The following SULT1B1 variants were observed in gnomAD, a reference collection of about 807,000 sequenced individuals.
The protein encoded by SULT1B1 is sulfotransferase 1B1.
In SULT1B1, 28 loss-of-function variants were observed where a neutral mutation model predicts 34.6. The ratio of observed to expected loss-of-function variants is 0.81; its 90% CI spans 0.60 to 1.11. The LOEUF is 1.11. Ranked by LOEUF, SULT1B1 falls within the 50% of genes least tolerant of loss-of-function variation. SULT1B1 has a pLI of 0.00. For synonymous variants in SULT1B1, 147 were observed against 110.2 expected, an observed-to-expected ratio of 1.33 and a Z score of -2.09; for missense variants, 374 against 352.2, an observed-to-expected ratio of 1.06 and a Z score of -0.50.
At position 69,755,160 on chromosome 4, in the gene SULT1B1, T is replaced by C. The variant is rs150530193; in HGVS notation, c.58A>G (p.Met20Val). ...CAGTTGCTTGCAAAAGCACAGGTCA[T>C]GGGATAACCATGGACCAACTTCAGA... ...KDLKLVHGYP[M>V]TCAFASNWEK... The change falls in exon 2 of 8, where the codon ATG becomes GTG. Residue 20 changes from methionine to valine, a missense_variant. Coordinates refer to ENST00000310613, the MANE Select transcript of SULT1B1 (RefSeq NM_014465.4). 42 of 1,613,902 alleles carry C rather than the reference T, an allele frequency of 2.6e-5. No individual in the cohort carries two copies. In the African/African-American group the frequency reaches 4.5e-4, roughly 17 times the overall value.
chr4:69,756,813 A>G (rs530864289), intron 1 of SULT1B1, among the ~76,000 whole-genome samples: 27 of 152,276 alleles, frequency 1.8e-4, no homozygotes, highest in African/African-American at 6.3e-4. Flanking sequence ...GACAGGAAGA[A>G]TTCCTCTTTA....
intron 4 of SULT1B1, among the ~76,000 whole-genome samples, chr4:69,740,105 C>T (rs1413528627): frequency 6.6e-6 from 1 of 152,228 alleles, no homozygotes; most frequent in African/African-American, 2.4e-5. Context: ...TCTTCTGAGT[C>T]CTTCAAACTG....
chr4:69,754,832 C>G, intron 2 of SULT1B1, 34 bp from the exon 3 acceptor site: 1 of 1,603,638 alleles, frequency 6.2e-7, no homozygotes, highest in Non-Finnish European at 8.5e-7. Flanking sequence ...AAAATAATTA[C>G]CCAAATTGCA....
chr4:69,728,812 A>G (rs528243518), intron 7 of SULT1B1, among the ~76,000 whole-genome samples: 3 of 152,200 alleles, frequency 2.0e-5, no homozygotes, highest in Non-Finnish European at 4.4e-5. Flanking sequence ...TTATTATATT[A>G]TCTATTTTGC....
In SULT1B1 at chr4:69,727,197, G is replaced by A. The variant is rs11569729; in HGVS notation, c.782C>T (p.Thr261Met). Residue 261 changes from threonine (T) to methionine (M), a missense_variant, in exon 8 of 8, where the codon ACG becomes ATG. Transcript: ENST00000310613. ...GAAGTAATTCTTCCAGTCACCAGCC[G>A]TCCCTAAAGGTAAATAAAAAAACAT... ...HSKSPFMRKG[T>M]AGDWKNYFTV... is the part of the protein sequence containing the mutation. 2.0e-3 allele frequency: 3,143 copies of A among 1,602,078 alleles called. 10 individuals carry two copies. Among genetic ancestry groups the A allele is most frequent in the African/African-American group, 8.8e-3 (648 of 73,962 alleles).
At chr4:69,751,742 G>A (rs554918573) in intron 3 of SULT1B1, among the ~76,000 whole-genome samples, 2 of 152,202 alleles carry the variant, frequency 1.3e-5, no homozygotes, top group South Asian at 2.1e-4. Context: ...GTGAGCCACC[G>A]CGCCCGGCCT....
chr4:69,744,086 G>C (rs578232856), intron 4 of SULT1B1, among the ~76,000 whole-genome samples: 18 of 152,300 alleles, frequency 1.2e-4, no homozygotes, highest in Admixed American at 2.0e-4. Flanking sequence ...GCTTCGTGGA[G>C]CAGGGCACTA....
intron 4 of SULT1B1, among the ~76,000 whole-genome samples, chr4:69,742,776 G>A (rs1485086237): frequency 6.6e-6 from 1 of 152,232 alleles, no homozygotes; most frequent in Non-Finnish European, 1.5e-5. Context: ...CATGTGTGGA[G>A]CAGCAATGGG....
Position 69,730,637 on chromosome 4 carries a change from C to A in SULT1B1, c.642G>T (p.Lys214Asn), listed in dbSNP as rs757667738. ...EIKKIIRFLE[K>N]NLNDEILDRI... ...TATCCAAGATCTCATCATTCAGGTT[C>A]TTCTCTAGAAATCTAATGATCTTCT... The change falls in exon 7 of 8, where the codon AAG becomes AAT. Residue 214 changes from lysine to asparagine, a missense_variant. Lys to Asn is a moderately conservative substitution (Grantham distance 94, BLOSUM62 0). Coordinates refer to ENST00000310613, the MANE Select transcript of SULT1B1 (RefSeq NM_014465.4). 1.9e-6 allele frequency: 3 copies of A among 1,613,024 alleles called. No homozygotes were observed. Among genetic ancestry groups the A allele is most frequent in the Admixed American group, 1.7e-5 (1 of 59,872 alleles).
intron 4 of SULT1B1, among the ~76,000 whole-genome samples, chr4:69,745,142 G>T (rs368344735): frequency 6.6e-6 from 1 of 152,194 alleles, no homozygotes. Flanking sequence ...ATTGCTTTAT[G>T]GCTGAGTAAA....
intron 7 of SULT1B1, among the ~76,000 whole-genome samples, chr4:69,729,924 A>G (rs1718001396): frequency 6.6e-6 from 1 of 152,184 alleles, no homozygotes; most frequent in South Asian, 2.1e-4. Flanking sequence ...GACTACTTAA[A>G]TGGAAGTAAT....
intron 3 of SULT1B1, among the ~76,000 whole-genome samples, chr4:69,754,423 T>C (rs989001442): frequency 6.6e-6 from 1 of 152,220 alleles, no homozygotes; most frequent in African/African-American, 2.4e-5. Context: ...CTTAAAAATA[T>C]TGTTTATTTT....
rs574241654 is a variant in SULT1B1 at position 69,748,698 on chromosome 4, A to G, written c.375+1023T>C. 2.6e-5 allele frequency among the ~76,000 whole-genome samples: 4 copies of G among 152,338 alleles called. No individual in the cohort carries two copies. The South Asian group carries it at 6.2e-4, about 24-fold the overall frequency. ...AACGGAATAAAATTAGAAATCAATA[A>G]CAGAATGAAAACATAAAAATCCTCA... On this transcript the variant is annotated intron_variant, in intron 4 of 7. Transcript: ENST00000310613.
Position 69,727,015 on chromosome 4 carries a change from C to G in SULT1B1, c.*73G>C. ...TATAAATTCATTTGATTGCCCAAAT[C>G]AATTCATAACTGCCCTCGTTTCAAT... On this transcript the variant is annotated 3_prime_UTR_variant, in exon 8 of 8. Transcript: ENST00000310613. 9.5e-7 allele frequency: 1 copy of G among 1,047,934 alleles called. No homozygotes were observed. Among genetic ancestry groups the G allele is most frequent in the Non-Finnish European group, 1.4e-6 (1 of 731,474 alleles). The allele number at this position is 1,047,934 out of a possible 1,614,324, so 64.9% of individuals were successfully genotyped here.
rs1717787492 is a variant in SULT1B1 at position 69,725,113 on chromosome 4, A to G, written c.*1975T>C. On this transcript the variant is annotated 3_prime_UTR_variant, in exon 8 of 8. Coordinates refer to ENST00000310613, the MANE Select transcript of SULT1B1 (RefSeq NM_014465.4). The stretch of plus-strand genomic sequence containing the variant: ...TACAGAATGGGAGAAAATTTTTGCA[A>G]TCTACTCATCTGACAAAGGGCTAAT... 1 of 151,998 alleles carries G rather than the reference A, an allele frequency of 6.6e-6. No homozygotes were observed. The highest frequency in any genetic ancestry group is 1.5e-5 in the Non-Finnish European group (1 of 68,026). The allele number at this position is 151,998 out of a possible 1,614,324, so 9.4% of individuals were successfully genotyped here. A position where few individuals can be genotyped will look rare whatever the true frequency, so the allele number is the denominator to read the frequency against.
chr4:69,731,724 G>A (rs2110017717), intron 6 of SULT1B1, among the ~76,000 whole-genome samples: 1 of 152,272 alleles, frequency 6.6e-6, no homozygotes, highest in African/African-American at 2.4e-5. Flanking sequence ...TTAATGCAAT[G>A]TATGTTGCAA....
At chr4:69,748,432 G>A (rs1015425274) in intron 4 of SULT1B1, among the ~76,000 whole-genome samples, 2 of 152,178 alleles carry the variant, frequency 1.3e-5, no homozygotes, top group African/African-American at 4.8e-5. Flanking sequence ...AGTTGAGCAT[G>A]TTTACAATCC....
At chr4:69,755,408 G>A (rs756993332) in intron 1 of SULT1B1, 147 bp from the exon 2 acceptor site, 2 of 566,292 alleles carry the variant, frequency 3.5e-6, no homozygotes, top group Non-Finnish European at 6.1e-6. Flanking sequence ...TGGGCATTAG[G>A]TGCAGTAGAT....
chr4:69,746,592 C>T (rs1042672379), intron 4 of SULT1B1, among the ~76,000 whole-genome samples: 1 of 152,046 alleles, frequency 6.6e-6, no homozygotes, highest in East Asian at 1.9e-4. Context: ...TGTTTTCTTT[C>T]TGCTCTTTAT....
Sources: gnomAD v4.1 joint callset for allele counts (sites outside exome capture counted in the v4.1 genomes callset) on GRCh38, gnomAD v4.1.1 for gene constraint, MANE v1.5 for transcripts, NCBI Gene and HGNC (gene_info 2026-07-23, HGNC 2026-07-21) for gene names.